SUSD5: variants seen among roughly 807,000 people sequenced by gnomAD.
SUSD5 encodes sushi domain containing 5.
SUSD5 carries 33 observed loss-of-function variants against 29.5 expected under a neutral mutation model. The ratio of observed to expected loss-of-function variants is 1.12; its 90% CI spans 0.85 to 1.49. The LOEUF (loss-of-function observed/expected upper bound fraction) is 1.49. SUSD5 is among the 40% of genes most tolerant of loss of function. The pLI, the probability that SUSD5 is intolerant of heterozygous loss-of-function variation, is 0.00. For missense variants in SUSD5, 776 were observed against 800.6 expected (o/e 0.97, Z 0.37); for synonymous variants, 308 against 325.3 (o/e 0.95, Z 0.57).
chr3:33,184,915 T>C (rs1429082853), intron 3 of SUSD5, among the ~76,000 whole-genome samples: 1 of 152,178 alleles, frequency 6.6e-6, no homozygotes, highest in Non-Finnish European at 1.5e-5. Context: ...GCTCTGATGC[T>C]TGTTTTCAGT....
At chr3:33,162,127 T>A (rs1284571557) in intron 4 of SUSD5, among the ~76,000 whole-genome samples, 1 of 152,204 alleles carries the variant, frequency 6.6e-6, no homozygotes, top group Non-Finnish European at 1.5e-5. Context: ...CTGGTCATAG[T>A]GAGATTAACT....
intron 4 of SUSD5, among the ~76,000 whole-genome samples, chr3:33,173,797 A>C (rs1161917862): frequency 6.6e-6 from 1 of 152,174 alleles, no homozygotes; most frequent in Non-Finnish European, 1.5e-5. Flanking sequence ...GCACTGTGAG[A>C]TAAGGGAACA....
At chr3:33,162,899 G>A (rs963411551) in intron 4 of SUSD5, among the ~76,000 whole-genome samples, 6 of 135,088 alleles carry the variant, frequency 4.4e-5, no homozygotes, top group East Asian at 4.3e-4. Context: ...CCTGGGCAAC[G>A]AGAGCAAAAC....
intron 4 of SUSD5, among the ~76,000 whole-genome samples, chr3:33,155,470 A>G (rs1321195024): frequency 6.6e-6 from 1 of 152,208 alleles, no homozygotes; most frequent in Non-Finnish European, 1.5e-5. Context: ...GGGAGTGTGA[A>G]CTGGAACAAC....
At chr3:33,194,747 A>G (rs2031963217) in intron 3 of SUSD5, among the ~76,000 whole-genome samples, 1 of 152,226 alleles carries the variant, frequency 6.6e-6, no homozygotes. Context: ...GGAGGCCATG[A>G]GTGCAGATGA....
chr3:33,212,795 C>T (rs556562963), intron 2 of SUSD5, among the ~76,000 whole-genome samples: 80 of 152,152 alleles, frequency 5.3e-4, no homozygotes, highest in Non-Finnish European at 9.3e-4. Flanking sequence ...TAGACAGATG[C>T]GGCATGGATT....
intron 3 of SUSD5, among the ~76,000 whole-genome samples, chr3:33,197,318 AATG>A (rs1368298023): frequency 6.6e-6 from 1 of 152,188 alleles, no homozygotes; most frequent in African/African-American, 2.4e-5. Flanking sequence ...GAATAGAGAG[AATG>A]ATAACACCCT....
At chr3:33,162,416 T>C (rs964165342) in intron 4 of SUSD5, among the ~76,000 whole-genome samples, 3 of 151,616 alleles carry the variant, frequency 2.0e-5, no homozygotes, top group Middle Eastern at 3.2e-3. Context: ...AACAAAGAAA[T>C]AGAAGAAGGA....
intron 4 of SUSD5, among the ~76,000 whole-genome samples, chr3:33,154,245 G>A (rs867574715): frequency 3.9e-5 from 6 of 152,148 alleles, no homozygotes; most frequent in Non-Finnish European, 4.4e-5. Flanking sequence ...AGCTTAGGCC[G>A]GGCATGGTGG....
At chr3:33,189,431 C>G (rs2031844784) in intron 3 of SUSD5, among the ~76,000 whole-genome samples, 1 of 139,352 alleles carries the variant, frequency 7.2e-6, no homozygotes, top group Non-Finnish European at 1.5e-5. Context: ...GAGCTGAGAT[C>G]ACGCTACTGC....
At chr3:33,166,017 A>AAC (rs1181564162) in intron 4 of SUSD5, among the ~76,000 whole-genome samples, 2 of 151,570 alleles carry the variant, frequency 1.3e-5, no homozygotes, top group Non-Finnish European at 2.9e-5. Flanking sequence ...CTCTCCAAAA[A>AAC]AAAAAAAAAA....
At chr3:33,185,429 T>C (rs987962611) in intron 3 of SUSD5, among the ~76,000 whole-genome samples, 4 of 152,230 alleles carry the variant, frequency 2.6e-5, no homozygotes, top group Admixed American at 2.6e-4. Context: ...CCCTGGAGTT[T>C]TTAACTCACA....
At chr3:33,185,499 G>A (rs2031759819) in intron 3 of SUSD5, among the ~76,000 whole-genome samples, 1 of 152,010 alleles carries the variant, frequency 6.6e-6, no homozygotes, top group Non-Finnish European at 1.5e-5. Context: ...TCCTACCCTG[G>A]CACTGGTTTC....
chr3:33,199,279 TTTC>T (rs1233532238), intron 3 of SUSD5, among the ~76,000 whole-genome samples: 5 of 152,082 alleles, frequency 3.3e-5, no homozygotes, highest in Non-Finnish European at 7.4e-5. Context: ...TAAGTTGTTT[TTTC>T]TTTTTTTTTG....
rs1404918354 is a variant in SUSD5, at chr3:33,152,844, C to T, written c.1788G>A (p.Trp596Ter). ...TCTTGTGCTGGCACTTGCGGTAGCCCCACACCATCCCCACACCTGCCAGGA... is the reference window on the plus strand; with the variant it reads ...TCTTGTGCTGGCACTTGCGGTAGCCTCACACCATCCCCACACCTGCCAGGA... Reference protein sequence around the residue: ...LLLLAGVGMVWGYRKCQHKSS... With the variant: ...LLLLAGVGMV The change falls in exon 5 of 5, where the codon TGG becomes TGA. Residue 596 changes from tryptophan (W) to a stop codon, truncating the protein, a stop_gained. Transcript: ENST00000309558. LOFTEE classifies it high-confidence loss of function. The T allele has an allele frequency of 3.1e-6, 5 of 1,613,954 alleles. No homozygotes were observed. Among genetic ancestry groups the T allele is most frequent in the Non-Finnish European group, 4.2e-6 (5 of 1,179,882 alleles).
Position 33,152,755 on chromosome 3 carries a change from A to ATCT in SUSD5, c.1874_1876dup (p.Glu625_Met626insLys), listed in dbSNP as rs2030930469. 6.2e-7 allele frequency: 1 copy of ATCT among 1,609,574 alleles called. No individual in the cohort carries two copies. The highest frequency in any genetic ancestry group is 1.3e-5 in the African/African-American group (1 of 74,808). On this transcript the variant is annotated inframe_insertion, in exon 5 of 5. Coordinates refer to ENST00000309558, the MANE Select transcript of SUSD5 (RefSeq NM_015551.2). Reference sequence around the variant, plus strand: ...CTCCAAAGGTGCCTAGACCTTCTCCATCTCGATCTGCTGGTGGTAGTGCCG... The same window carrying ATCT: ...CTCCAAAGGTGCCTAGACCTTCTCCATCTTCTCGATCTGCTGGTGGTAGTGCCG...
intron 2 of SUSD5, among the ~76,000 whole-genome samples, chr3:33,209,990 C>T (rs2032293415): frequency 6.6e-6 from 1 of 152,186 alleles, no homozygotes; most frequent in Non-Finnish European, 1.5e-5. Flanking sequence ...ATTTTAAAGT[C>T]TGCATCTACC....
Position 33,153,390 on chromosome 3 carries a change from A to C in SUSD5, c.1242T>G (p.Leu414=). 1.9e-6 allele frequency: 3 copies of C among 1,613,812 alleles called. No homozygotes were observed. The highest frequency in any genetic ancestry group is 2.5e-6 in the Non-Finnish European group (3 of 1,179,822). Residue 414 remains leucine, a synonymous_variant, in exon 5 of 5, where the codon CTT becomes CTG. Transcript: ENST00000309558. ...TACTCTTGGGCTTCTTAACTTCCAC[A>C]AGAATGGGCTGATCAGGAGTAACTA... The part of the protein sequence containing the change: ...NVLVTPDQPI[L]VEVKKPKSST...
chr3:33,196,147 C>G (rs576502745), intron 3 of SUSD5, among the ~76,000 whole-genome samples: 49 of 152,258 alleles, frequency 3.2e-4, no homozygotes, highest in Non-Finnish European at 5.9e-4. Flanking sequence ...ATGATGGTAA[C>G]TGAATACCCA....
Sources: allele counts gnomAD v4.1 joint callset (sites outside exome capture counted in the v4.1 genomes callset), GRCh38; gene constraint gnomAD v4.1.1; transcripts MANE v1.5; gene names NCBI Gene and HGNC (gene_info 2026-07-23, HGNC 2026-07-21).